The following SAMD12 variants were observed in gnomAD, a reference collection of about 807,000 sequenced individuals.
The protein encoded by SAMD12 is sterile alpha motif domain containing 12.
Under a neutral mutation model 15.0 loss-of-function variants are expected in SAMD12, and 9 were observed. The observed-to-expected ratio is 0.60, with a 90% CI of 0.36 to 1.05. SAMD12 has a LOEUF of 1.05. SAMD12 is among the 50% of genes least tolerant of loss of function. The pLI is 0.01. For synonymous variants in SAMD12, 86 were observed against 90.1 expected, an observed-to-expected ratio of 0.96 and a Z score of 0.25; for missense variants, 230 against 234.2, an observed-to-expected ratio of 0.98 and a Z score of 0.12.
At chr8:118,328,811 A>G (rs1245711294) in intron 4 of SAMD12, among the ~76,000 whole-genome samples, 1 of 152,138 alleles carries the variant, frequency 6.6e-6, no homozygotes, top group African/African-American at 2.4e-5. Context: ...TTCCTTGTTC[A>G]TAGTCATATC....
chr8:118,279,890 G>T (rs1285806309), intron 4 of SAMD12, among the ~76,000 whole-genome samples: 2 of 152,316 alleles, frequency 1.3e-5, no homozygotes, highest in South Asian at 2.1e-4. Flanking sequence ...GAGGTAGTTG[G>T]TGAAGTAGGT....
At chr8:118,140,912 C>G in the SAMD12 span, among the ~76,000 whole-genome samples, 3 of 152,166 alleles carry the variant, frequency 2.0e-5, no homozygotes, top group African/African-American at 7.2e-5. Flanking sequence ...GGAGCCTACC[C>G]CTGTCCCATG....
chr8:118,403,033 G>A (rs1197479819), intron 3 of SAMD12, among the ~76,000 whole-genome samples: 2 of 152,146 alleles, frequency 1.3e-5, no homozygotes, highest in Non-Finnish European at 2.9e-5. Flanking sequence ...CCTGTCAAGA[G>A]TCTACCCACA....
intron 4 of SAMD12, among the ~76,000 whole-genome samples, chr8:118,251,159 G>A (rs1022529397): frequency 2.6e-5 from 4 of 152,128 alleles, no homozygotes; most frequent in African/African-American, 7.2e-5. Flanking sequence ...GTGGTCGTGG[G>A]TGAGGAGCAG....
At chr8:118,581,455 G>A (rs1232651942) in intron 1 of SAMD12, among the ~76,000 whole-genome samples, 1 of 152,102 alleles carries the variant, frequency 6.6e-6, no homozygotes, top group African/African-American at 2.4e-5. Flanking sequence ...TGTAATAAAG[G>A]AGGCAAACAA....
At chr8:118,518,424 G>C (rs892278088) in intron 2 of SAMD12, among the ~76,000 whole-genome samples, 2 of 152,166 alleles carry the variant, frequency 1.3e-5, no homozygotes, top group Non-Finnish European at 2.9e-5. Context: ...GCCAATATTT[G>C]TATTTTGATA....
chr8:118,547,241 G>A lies in SAMD12; in HGVS notation c.192+33474C>T, dbSNP rs551798771. Among the ~76,000 whole-genome samples the A allele has an allele frequency of 1.2e-4, 18 of 152,272 alleles. 1 individual carries two copies. In the South Asian group the frequency reaches 3.7e-3, roughly 32 times the overall value. On this transcript the variant is annotated intron_variant, in intron 2 of 3. Coordinates refer to ENST00000314727, the MANE Select transcript of SAMD12 (RefSeq NM_207506.3). Reference sequence around the variant, plus strand: ...AAAAAATGTAGCAGCAAACACCTATGAGTCTGCTGAAATTCTCTGGACAAC... The same window carrying A: ...AAAAAATGTAGCAGCAAACACCTATAAGTCTGCTGAAATTCTCTGGACAAC...
chr8:118,458,610 A>G (rs1823326584), intron 2 of SAMD12, among the ~76,000 whole-genome samples: 1 of 152,150 alleles, frequency 6.6e-6, no homozygotes, highest in South Asian at 2.1e-4. Flanking sequence ...CTGTTCCTCC[A>G]TTACATTATT....
chr8:118,615,652 T>G (rs910508393), intron 1 of SAMD12, among the ~76,000 whole-genome samples: 4 of 152,152 alleles, frequency 2.6e-5, no homozygotes, highest in African/African-American at 9.7e-5. Flanking sequence ...CCCCTACCCT[T>G]GTAATATGTC....
In SAMD12 at chr8:118,439,883, G is replaced by A. The variant is rs1220106442; in HGVS notation, c.271C>T (p.Pro91Ser). 3.1e-6 allele frequency: 5 copies of A among 1,613,432 alleles called. No individual in the cohort carries two copies. In the African/African-American group the frequency reaches 4.0e-5, roughly 13 times the overall value. ...DVCKWLKKHC[P>S]NQYQIYSESF... ...TCACTGTAGATCTGATACTGATTCG[G>A]ACAATGTTTCTTCAACCACTTGCAG... The change falls in exon 3 of 4, where the codon CCG becomes TCG. Residue 91 changes from proline (P) to serine (S), a missense_variant. By Grantham distance (74) the Pro-to-Ser change is moderately conservative (BLOSUM62 -1). Transcript: ENST00000314727.
At chr8:118,163,315 A>C in the SAMD12 span, among the ~76,000 whole-genome samples, 1 of 152,130 alleles carries the variant, frequency 6.6e-6, no homozygotes, top group South Asian at 2.1e-4. Context: ...CCTGGGCTCA[A>C]GCAATCCTCC....
chr8:118,203,165 A>C (rs1819760621), intron 4 of SAMD12, among the ~76,000 whole-genome samples: 1 of 152,254 alleles, frequency 6.6e-6, no homozygotes, highest in African/African-American at 2.4e-5. Context: ...AATGGAGGAG[A>C]GAAATCAAGT....
exon 5 of SAMD12, chr8:118,191,328 G>GC (rs1819365663): frequency 6.6e-6 from 1 of 152,034 alleles, no homozygotes; most frequent in Admixed American, 6.6e-5. Flanking sequence ...ACCATTCAGA[G>GC]CCCCAGAGAG....
chr8:118,593,591 G>A (rs1827642066), intron 1 of SAMD12, among the ~76,000 whole-genome samples: 1 of 152,160 alleles, frequency 6.6e-6, no homozygotes, highest in African/African-American at 2.4e-5. Flanking sequence ...ATAACGGACA[G>A]TGCAGATTGT....
chr8:118,142,096 G>T, the SAMD12 span, among the ~76,000 whole-genome samples: 6 of 152,316 alleles, frequency 3.9e-5, no homozygotes, highest in African/African-American at 1.4e-4. Context: ...TTAGAGCCAC[G>T]TAGAGACTTT....
At chr8:118,553,201 CA>C (rs1421314361) in intron 2 of SAMD12, among the ~76,000 whole-genome samples, 1 of 151,604 alleles carries the variant, frequency 6.6e-6, no homozygotes, top group Non-Finnish European at 1.5e-5. Flanking sequence ...CATATGGAAC[CA>C]AAAAAAAGCC....
intron 3 of SAMD12, among the ~76,000 whole-genome samples, chr8:118,383,743 TAGA>T (rs1204641108): frequency 3.3e-5 from 5 of 152,228 alleles, no homozygotes; most frequent in Non-Finnish European, 5.9e-5. Context: ...CTCTTGAGGT[TAGA>T]AGAAGCTTAA....
intron 2 of SAMD12, among the ~76,000 whole-genome samples, chr8:118,481,604 T>C (rs1437560425): frequency 6.6e-6 from 1 of 152,166 alleles, no homozygotes; most frequent in Non-Finnish European, 1.5e-5. Context: ...TTTTCACCAA[T>C]GATTTGAAAT....
At chr8:118,253,411 ATCTT>A (rs1044275458) in intron 4 of SAMD12, among the ~76,000 whole-genome samples, 1 of 152,226 alleles carries the variant, frequency 6.6e-6, no homozygotes, top group African/African-American at 2.4e-5. Context: ...ACAGTAAACT[ATCTT>A]AAACTATAAT....
Sources: gnomAD v4.1 joint callset for allele counts (sites outside exome capture counted in the v4.1 genomes callset) on GRCh38, gnomAD v4.1.1 for gene constraint, MANE v1.5 for transcripts, NCBI Gene and HGNC (gene_info 2026-07-23, HGNC 2026-07-21) for gene names.